The following NRP2 variants were observed in gnomAD, a reference collection of about 807,000 sequenced individuals.
NRP2 encodes neuropilin-2.
Under a neutral mutation model 110.4 loss-of-function variants are expected in NRP2, and 52 were observed. The ratio of observed to expected loss-of-function variants is 0.47; its 90% CI spans 0.38 to 0.59. NRP2 has a LOEUF of 0.59. NRP2 is among the 20% of genes least tolerant of loss of function. The pLI, the probability that NRP2 is intolerant of heterozygous loss-of-function variation, is 0.00. For synonymous variants in NRP2, 508 were observed against 468.9 expected (o/e 1.08, Z -1.08); for missense variants, 1,049 against 1,203.0 (o/e 0.87, Z 1.89).
At chr2:205,758,870 C>G (rs3771010) in intron 12 of NRP2, among the ~76,000 whole-genome samples, 66,022 of 152,032 alleles carry the variant, frequency 0.43, 15,728 homozygotes, top group Non-Finnish European at 0.55. Flanking sequence ...GACCTCTTGA[C>G]AATCCAAAGG....
At chr2:205,745,644 A>T in intron 9 of NRP2, 102 bp from the exon 10 acceptor site, 1 of 1,389,218 alleles carries the variant, frequency 7.2e-7, no homozygotes, top group East Asian at 2.4e-5. Context: ...CTGCCTTCCT[A>T]GCAGGACGTG....
chr2:205,779,570 C>T (rs2058150591), intron 15 of NRP2: 1 of 152,214 alleles, frequency 6.6e-6, no homozygotes, highest in South Asian at 2.1e-4. Flanking sequence ...AAGATTTTTA[C>T]TTCCTATTCT....
At position 205,683,306 on chromosome 2, in the gene NRP2, C is replaced by T. The variant is rs1032640809; in HGVS notation, c.16C>T (p.Leu6Phe). ...CTTCTCCAAAATGGATATGTTTCCT[C>T]TCACCTGGGTTTTCTTAGCCCTCTA... is the stretch of plus-strand genomic sequence containing the variant. MDMFP[L>F]TWVFLALYFS... Residue 6 changes from leucine to phenylalanine, a missense_variant, in exon 1 of 17, where the codon CTC (leucine) becomes TTC (phenylalanine). Transcript: ENST00000357785. 2 of 1,613,764 alleles carry T rather than the reference C, an allele frequency of 1.2e-6. No individual in the cohort carries two copies. The highest frequency in any genetic ancestry group is 1.7e-6 in the Non-Finnish European group (2 of 1,179,696).
At position 205,767,008 on chromosome 2, in the gene NRP2, T is replaced by G. The variant is rs1208752102; in HGVS notation, c.2425+205T>G. 8.1e-6 allele frequency: 5 copies of G among 615,644 alleles called. No individual in the cohort carries two copies. In the African/African-American group the frequency reaches 9.3e-5, roughly 11 times the overall value. 38.1% of individuals were successfully genotyped at this position (615,644 alleles called of 1,614,324 possible). On this transcript the variant is annotated intron_variant, in intron 15 of 16. Coordinates refer to ENST00000357785, the MANE Select transcript of NRP2 (RefSeq NM_003872.3). Reference sequence around the variant, plus strand: ...ATTGAGAGCCTCACTGTCTCTTGTTTAATTAAAGTTTAGAAACCTATTAAT... The same window carrying G: ...ATTGAGAGCCTCACTGTCTCTTGTTGAATTAAAGTTTAGAAACCTATTAAT...
Position 205,795,995 on chromosome 2 carries a change from C to T in NRP2, c.*937C>T, listed in dbSNP as rs1458632396. On this transcript the variant is annotated 3_prime_UTR_variant, in exon 17 of 17. Coordinates refer to ENST00000357785, the MANE Select transcript of NRP2 (RefSeq NM_003872.3). ...ACACACATACACATATTCTTCAGGT[C>T]TCTAAGCCCCTGGAAGCAGCATTGT... The T allele has an allele frequency of 6.6e-6, 1 of 152,182 alleles. No individual in the cohort carries two copies. Among genetic ancestry groups the T allele is most frequent in the Non-Finnish European group, 1.5e-5 (1 of 68,044 alleles). 9.4% of individuals were successfully genotyped at this position (152,182 alleles called of 1,614,324 possible). A position where few individuals can be genotyped will look rare whatever the true frequency, so the allele number is the denominator to read the frequency against.
intron 3 of NRP2, chr2:205,722,232 A>T (rs1575587078): frequency 1.9e-6 from 1 of 532,820 alleles, no homozygotes; most frequent in East Asian, 3.4e-5. Context: ...CCTCCACCCC[A>T]CTCCCCAATT....
At chr2:205,709,754 A>G (rs1032365663) in intron 2 of NRP2, among the ~76,000 whole-genome samples, 3 of 152,104 alleles carry the variant, frequency 2.0e-5, no homozygotes, top group African/African-American at 7.2e-5. Flanking sequence ...ACCCACTTAC[A>G]CTTGTGTGTA....
At chr2:205,688,330 TCTTTGTA>T (rs1192655155) in intron 1 of NRP2, among the ~76,000 whole-genome samples, 3 of 152,212 alleles carry the variant, frequency 2.0e-5, no homozygotes, top group Non-Finnish European at 4.4e-5. Context: ...CAGAAGTTAG[TCTTTGTA>T]CTGTTCCTTC....
intron 7 of NRP2, among the ~76,000 whole-genome samples, chr2:205,736,870 A>G (rs958314888): frequency 6.6e-6 from 1 of 152,200 alleles, no homozygotes; most frequent in African/African-American, 2.4e-5. Context: ...ATCAGAAAAC[A>G]TATGAAGGGT....
chr2:205,700,019 A>G (rs990057541), intron 2 of NRP2, among the ~76,000 whole-genome samples: 2 of 147,778 alleles, frequency 1.4e-5, no homozygotes, highest in Admixed American at 6.8e-5. Flanking sequence ...AGAAAGACTC[A>G]TCTGGTTTTC....
intron 3 of NRP2, 51 bp downstream of exon 3, chr2:205,716,425 G>T: frequency 1.3e-6 from 2 of 1,598,422 alleles, no homozygotes; most frequent in Non-Finnish European, 1.7e-6. Context: ...TAGAGAAGAA[G>T]GAGGGACAGC....
chr2:205,711,688 C>T (rs905817104), intron 2 of NRP2, among the ~76,000 whole-genome samples: 6 of 152,192 alleles, frequency 3.9e-5, no homozygotes, highest in Non-Finnish European at 7.3e-5. Flanking sequence ...TGTTCTGATA[C>T]GTAGACCCAA....
intron 14 of NRP2, among the ~76,000 whole-genome samples, chr2:205,766,500 A>G (rs1258845653): frequency 1.3e-5 from 2 of 152,200 alleles, no homozygotes; most frequent in African/African-American, 4.8e-5. Flanking sequence ...AATCAGCAGT[A>G]AGTAACTGAT....
At chr2:205,787,787 G>A (rs1210241056) in intron 15 of NRP2, among the ~76,000 whole-genome samples, 3 of 151,550 alleles carry the variant, frequency 2.0e-5, no homozygotes, top group East Asian at 1.9e-4. Flanking sequence ...AGAATGGAAA[G>A]GGCCATAAGA....
chr2:205,713,367 C>T (rs561529004), intron 2 of NRP2, among the ~76,000 whole-genome samples: 5 of 152,282 alleles, frequency 3.3e-5, no homozygotes, highest in Admixed American at 3.3e-4. Context: ...GATGTCCCGA[C>T]CTACTGTGTC....
chr2:205,683,095 T>C lies in NRP2; in HGVS notation c.-196T>C, dbSNP rs2056050777. The C allele has an allele frequency of 1.7e-6, 1 of 590,276 alleles. No homozygotes were observed. The highest frequency in any genetic ancestry group is 3.0e-5 in the Admixed American group (1 of 33,728). The allele number at this position is 590,276 out of a possible 1,614,324, so 36.6% of individuals were successfully genotyped here. The stretch of plus-strand genomic sequence containing the variant: ...TTCCCTCTTTGCTGATTTCAGGAGC[T>C]ACTCTCCTCCTGGTGAGGTGGAAAT... On this transcript the variant is annotated 5_prime_UTR_variant, in exon 1 of 17. Coordinates refer to ENST00000357785, the MANE Select transcript of NRP2 (RefSeq NM_003872.3).
chr2:205,788,962 C>T (rs192297228), intron 15 of NRP2, among the ~76,000 whole-genome samples: 4 of 152,260 alleles, frequency 2.6e-5, no homozygotes, highest in African/African-American at 9.6e-5. Context: ...AATTTAGTTT[C>T]CTGCTCTGGG....
Position 205,749,727 on chromosome 2 carries a change from T to C in NRP2, c.1789T>C (p.Ser597Pro). 1 of 1,613,896 alleles carries C rather than the reference T, an allele frequency of 6.2e-7. No homozygotes were observed. Among genetic ancestry groups the C allele is most frequent in the Non-Finnish European group, 8.5e-7 (1 of 1,179,796 alleles). ...TATCTTCCTTTGCCCTTACACAGAC[T>C]CCAAGCCCACGGTAGAGACGCTGGG... ...LEVLGCDWTD[S>P]KPTVETLGPT... The change falls in exon 11 of 17, where the codon TCC becomes CCC. Residue 597 changes from serine (S) to proline (P), a missense_variant and splice_region_variant. Ser to Pro is a moderately conservative substitution (Grantham distance 74, BLOSUM62 -1). Coordinates refer to ENST00000357785, the MANE Select transcript of NRP2 (RefSeq NM_003872.3).
At chr2:205,724,634 C>G (rs925700277) in intron 5 of NRP2, among the ~76,000 whole-genome samples, 14 of 141,084 alleles carry the variant, frequency 9.9e-5, no homozygotes, top group Middle Eastern at 3.8e-3. Context: ...GCCATTTCTA[C>G]TTAAAAACCC....
Sources: gnomAD v4.1 joint callset for allele counts (sites outside exome capture counted in the v4.1 genomes callset) on GRCh38, gnomAD v4.1.1 for gene constraint, MANE v1.5 for transcripts, NCBI Gene and HGNC (gene_info 2026-07-23, HGNC 2026-07-21) for gene names.